The following GRID2 variants were observed in gnomAD, a reference collection of about 807,000 sequenced individuals.
GRID2 encodes glutamate ionotropic receptor delta type subunit 2, also known as glutamate receptor ionotropic, delta-2.
GRID2 carries 33 observed loss-of-function variants against 114.8 expected under a neutral mutation model. The observed-to-expected ratio is 0.29, with a 90% CI of 0.22 to 0.38. GRID2 has a LOEUF of 0.38. Ranked by LOEUF, GRID2 falls within the 10% of genes least tolerant of loss-of-function variation. GRID2 has a pLI of 1.00. For missense variants in GRID2, 1,184 were observed against 1,257.7 expected (o/e 0.94, Z 0.89); for synonymous variants, 505 against 449.9 (o/e 1.12, Z -1.55).
At chr4:93,636,046 A>T (rs1007691216) in intron 14 of GRID2, among the ~76,000 whole-genome samples, 1 of 152,190 alleles carries the variant, frequency 6.6e-6, no homozygotes, top group Non-Finnish European at 1.5e-5. Flanking sequence ...GCACTACATC[A>T]TACAGCATTC....
chr4:93,212,139 T>C (rs926191871), intron 5 of GRID2, among the ~76,000 whole-genome samples: 1 of 152,134 alleles, frequency 6.6e-6, no homozygotes, highest in African/African-American at 2.4e-5. Flanking sequence ...CCTCAAAAGA[T>C]GCAAATGCCC....
chr4:93,328,770 A>G (rs890171044), intron 8 of GRID2, among the ~76,000 whole-genome samples: 1 of 151,886 alleles, frequency 6.6e-6, no homozygotes, highest in Non-Finnish European at 1.5e-5. Context: ...ACTCAGGTGG[A>G]GCTGCTCAGG....
rs79090123 is a variant in GRID2, at chr4:93,712,680, C to T, written c.2361-56530C>T. Among the ~76,000 whole-genome samples the T allele has an allele frequency of 7.6e-4, 115 of 152,100 alleles. 2 individuals are homozygous for T. The East Asian group carries it at 0.018, about 24-fold the overall frequency. On this transcript the variant is annotated intron_variant, in intron 14 of 15. Coordinates refer to ENST00000282020, the MANE Select transcript of GRID2 (RefSeq NM_001510.4). ...CAGAATAAATGCCTGTGAAAGTATT[C>T]AACTGATACATAAATAAATTATTTT...
intron 2 of GRID2, among the ~76,000 whole-genome samples, chr4:93,055,086 A>G (rs1039232272): frequency 8.6e-5 from 13 of 151,940 alleles, no homozygotes; most frequent in Non-Finnish European, 1.8e-4. Context: ...ATGGTTTGAT[A>G]TGTTAATGAG....
chr4:92,692,938 T>C (rs1402032985), intron 2 of GRID2, among the ~76,000 whole-genome samples: 1 of 151,400 alleles, frequency 6.6e-6, no homozygotes, highest in African/African-American at 2.4e-5. Context: ...CAAGAGAATA[T>C]CTTGAGTCCT....
chr4:93,066,839 G>C (rs1406231758), intron 2 of GRID2, among the ~76,000 whole-genome samples: 1 of 151,890 alleles, frequency 6.6e-6, no homozygotes, highest in Non-Finnish European at 1.5e-5. Context: ...TAAAATAAGA[G>C]TTACTTGAAT....
At chr4:93,506,387 A>G (rs1578147363) in intron 12 of GRID2, among the ~76,000 whole-genome samples, 1 of 152,154 alleles carries the variant, frequency 6.6e-6, no homozygotes, top group Admixed American at 6.5e-5. Context: ...TGCCCTTCTC[A>G]TGAATCTTGC....
chr4:92,789,173 T>G (rs1560592747), intron 2 of GRID2, among the ~76,000 whole-genome samples: 1 of 151,804 alleles, frequency 6.6e-6, no homozygotes, highest in Non-Finnish European at 1.5e-5. Context: ...TTTAGACTAA[T>G]TGTATGTCTT....
intron 1 of GRID2, among the ~76,000 whole-genome samples, chr4:92,551,908 A>C (rs750519889): frequency 1.4e-4 from 22 of 152,094 alleles, no homozygotes; most frequent in Non-Finnish European, 2.8e-4. Context: ...CTCTCTCTCC[A>C]GTAGAAAGGA....
intron 2 of GRID2, among the ~76,000 whole-genome samples, chr4:92,681,527 C>A (rs1235588464): frequency 6.6e-6 from 1 of 151,678 alleles, no homozygotes; most frequent in Non-Finnish European, 1.5e-5. Context: ...ACATTACACA[C>A]TGGGGCCTAT....
chr4:93,611,754 A>G (rs1261042788), intron 13 of GRID2, among the ~76,000 whole-genome samples: 1 of 138,252 alleles, frequency 7.2e-6, no homozygotes, highest in Non-Finnish European at 1.6e-5. Flanking sequence ...CAATTTTGGA[A>G]TAGGTGTGGT....
At chr4:92,596,881 A>G (rs1220557955) in intron 2 of GRID2, among the ~76,000 whole-genome samples, 2 of 152,056 alleles carry the variant, frequency 1.3e-5, no homozygotes, top group Non-Finnish European at 1.5e-5. Flanking sequence ...CCAAAAAACA[A>G]AAGAACACAG....
chr4:93,201,516 A>G (rs2149461371), intron 4 of GRID2, among the ~76,000 whole-genome samples: 1 of 152,296 alleles, frequency 6.6e-6, no homozygotes, highest in African/African-American at 2.4e-5. Context: ...AGGGAAGCAA[A>G]CACCTGATAT....
At chr4:92,540,903 A>T (rs1312298058) in intron 1 of GRID2, among the ~76,000 whole-genome samples, 1 of 152,224 alleles carries the variant, frequency 6.6e-6, no homozygotes, top group Non-Finnish European at 1.5e-5. Flanking sequence ...CAAATGTCCA[A>T]CAATGATAGA....
intron 14 of GRID2, among the ~76,000 whole-genome samples, chr4:93,710,832 A>C (rs946332574): frequency 6.6e-6 from 1 of 151,868 alleles, no homozygotes; most frequent in Non-Finnish European, 1.5e-5. Flanking sequence ...TCCTTTCCTC[A>C]AGCAAAAAGA....
In GRID2 at chr4:93,085,189, C is replaced by A; in HGVS notation, c.439C>A (p.Arg147Ser). The A allele has an allele frequency of 6.2e-7, 1 of 1,613,698 alleles. No homozygotes were observed. The highest frequency in any genetic ancestry group is 8.5e-7 in the Non-Finnish European group (1 of 1,179,664). ...GAATGATGACTACACTCTCTCAGTTCGCCCACCTGTCTACTTGCATGATGT... is the reference window on the plus strand; with the variant it reads ...GAATGATGACTACACTCTCTCAGTTAGCCCACCTGTCTACTTGCATGATGT... ...NRNDDYTLSVRPPVYLHDVIL... is the reference protein window; with the variant it reads ...NRNDDYTLSVSPPVYLHDVIL... Residue 147 changes from arginine to serine, a missense_variant, in exon 3 of 16, where the codon CGC becomes AGC. Arg to Ser is a moderately radical substitution (Grantham distance 110, BLOSUM62 -1). Coordinates refer to ENST00000282020, the MANE Select transcript of GRID2 (RefSeq NM_001510.4).
intron 2 of GRID2, among the ~76,000 whole-genome samples, chr4:93,038,248 G>T (rs1725112214): frequency 6.6e-6 from 1 of 151,930 alleles, no homozygotes. Context: ...CTCATAATTT[G>T]GCTCTCTGTT....
chr4:93,676,332 C>A (rs1724851071), intron 14 of GRID2, among the ~76,000 whole-genome samples: 1 of 151,832 alleles, frequency 6.6e-6, no homozygotes, highest in Non-Finnish European at 1.5e-5. Context: ...CTTCAAGAAC[C>A]AAATTAGGCC....
At chr4:93,536,305 T>C (rs1431914909) in intron 13 of GRID2, among the ~76,000 whole-genome samples, 1 of 151,878 alleles carries the variant, frequency 6.6e-6, no homozygotes, top group Admixed American at 6.6e-5. Flanking sequence ...TTGGAAACTG[T>C]ATTGCAAAGC....
Sources: gnomAD v4.1 joint callset for allele counts (sites outside exome capture counted in the v4.1 genomes callset) on GRCh38, gnomAD v4.1.1 for gene constraint, MANE v1.5 for transcripts, NCBI Gene and HGNC (gene_info 2026-07-23, HGNC 2026-07-21) for gene names.